The following GNB1L variants were observed in gnomAD, a reference collection of about 807,000 sequenced individuals.
GNB1L encodes guanine nucleotide-binding protein subunit beta-like protein 1.
GNB1L carries 20 observed loss-of-function variants against 29.1 expected under a neutral mutation model. The observed-to-expected ratio is 0.69, with a 90% CI of 0.48 to 1.00. The LOEUF (loss-of-function observed/expected upper bound fraction) is 1.00. Ranked by LOEUF, GNB1L falls within the 50% of genes least tolerant of loss-of-function variation. The pLI, the probability that GNB1L is intolerant of heterozygous loss-of-function variation, is 0.00. For synonymous variants in GNB1L, 193 were observed against 206.5 expected, an observed-to-expected ratio of 0.93 and a Z score of 0.56; for missense variants, 421 against 464.9, an observed-to-expected ratio of 0.91 and a Z score of 0.87.
intron 2 of GNB1L, among the ~76,000 whole-genome samples, chr22:19,828,744 TA>T (rs1235490098): frequency 6.6e-6 from 1 of 151,526 alleles, no homozygotes; most frequent in Non-Finnish European, 1.5e-5. Flanking sequence ...ATAACAGAGA[TA>T]CCACCTCTAT....
chr22:19,825,801 T>A (rs1467277021), intron 2 of GNB1L, among the ~76,000 whole-genome samples: 4 of 145,370 alleles, frequency 2.8e-5, no homozygotes, highest in African/African-American at 1.0e-4. Flanking sequence ...ACAAAAAAAA[T>A]AAATAAATTA....
At chr22:19,825,774 G>A (rs374623137) in intron 2 of GNB1L, among the ~76,000 whole-genome samples, 13 of 151,862 alleles carry the variant, frequency 8.6e-5, no homozygotes, top group African/African-American at 2.7e-4. Flanking sequence ...GGGCAACATA[G>A]TCAGACCCCC....
intron 2 of GNB1L, chr22:19,851,361 G>T: frequency 6.2e-7 from 1 of 1,614,168 alleles, no homozygotes; most frequent in South Asian, 1.1e-5. Context: ...GACAGTCTAG[G>T]GACAGGTGTG....
intron 7 of GNB1L, among the ~76,000 whole-genome samples, chr22:19,790,284 C>G (rs1937239126): frequency 6.6e-6 from 1 of 152,102 alleles, no homozygotes; most frequent in South Asian, 2.1e-4. Context: ...TTATAACTCA[C>G]AGAAATATGG....
intron 2 of GNB1L, among the ~76,000 whole-genome samples, chr22:19,834,134 A>G (rs1937725983): frequency 6.6e-6 from 1 of 152,104 alleles, no homozygotes; most frequent in Non-Finnish European, 1.5e-5. Context: ...AGACAAAAGC[A>G]CATATGTTTA....
chr22:19,820,836 A>G (rs1937572639), intron 3 of GNB1L, 113 bp from the exon 4 acceptor site: 2 of 1,244,956 alleles, frequency 1.6e-6, no homozygotes, highest in Non-Finnish European at 2.2e-6. Context: ...GGTTGAGCTG[A>G]AAAGCCAACA....
chr22:19,812,086 G>A (rs1336795430), intron 5 of GNB1L, among the ~76,000 whole-genome samples, 199 bp downstream of exon 5: 1 of 152,254 alleles, frequency 6.6e-6, no homozygotes, highest in Non-Finnish European at 1.5e-5. Context: ...TGCCCTGGGA[G>A]GATGGCTCAT....
chr22:19,848,376 A>G (rs1429358711), intron 2 of GNB1L: 6 of 985,244 alleles, frequency 6.1e-6, no homozygotes, highest in Non-Finnish European at 7.2e-6. Flanking sequence ...GCCAGAAGAG[A>G]AAAACAACCC....
intron 7 of GNB1L, among the ~76,000 whole-genome samples, chr22:19,799,673 C>T (rs532106907): frequency 6.6e-6 from 1 of 152,212 alleles, no homozygotes; most frequent in Non-Finnish European, 1.5e-5. Context: ...GAGGGGGACA[C>T]AGCCGTGCCC....
At chr22:19,827,073 G>A (rs1206161675) in intron 2 of GNB1L, among the ~76,000 whole-genome samples, 1 of 152,134 alleles carries the variant, frequency 6.6e-6, no homozygotes, top group Admixed American at 6.5e-5. Flanking sequence ...AAAAAAGGGG[G>A]CTATAAGGGA....
intron 4 of GNB1L, among the ~76,000 whole-genome samples, chr22:19,819,277 C>G (rs895610734): frequency 3.3e-5 from 5 of 152,250 alleles, no homozygotes; most frequent in African/African-American, 1.2e-4. Flanking sequence ...AAGCAGGGCC[C>G]TGTGAGCTGG....
intron 4 of GNB1L, among the ~76,000 whole-genome samples, 182 bp from the exon 5 acceptor site, chr22:19,812,629 C>T (rs1265683267): frequency 1.3e-5 from 2 of 152,230 alleles, no homozygotes; most frequent in Non-Finnish European, 2.9e-5. Context: ...GACACTTGAG[C>T]CAGCACCAAA....
In GNB1L at chr22:19,845,701, C is replaced by A. The variant is rs141950239; in HGVS notation, c.-21+8742G>T. On this transcript the variant is annotated intron_variant, in intron 2 of 7. Transcript: ENST00000329517. ...AGAGATGATGTAGCCCAAAGAAAAACTAAGGGAGCAACGGGCCCTGCTGTC... is the reference window on the plus strand; with the variant it reads ...AGAGATGATGTAGCCCAAAGAAAAAATAAGGGAGCAACGGGCCCTGCTGTC... 3.3e-3 allele frequency among the ~76,000 whole-genome samples: 499 copies of A among 152,310 alleles called. 2 individuals are homozygous for A. The highest frequency in any genetic ancestry group is 0.011 in the African/African-American group (466 of 41,562).
intron 2 of GNB1L, among the ~76,000 whole-genome samples, chr22:19,825,660 T>A (rs980844369): frequency 5.4e-5 from 8 of 149,118 alleles, no homozygotes; most frequent in Admixed American, 2.0e-4. Context: ...CTTTAAAAAA[T>A]TTTTTTAAAC....
At chr22:19,805,806 A>T (rs1423826630) in intron 6 of GNB1L, among the ~76,000 whole-genome samples, 1 of 152,146 alleles carries the variant, frequency 6.6e-6, no homozygotes, top group African/African-American at 2.4e-5. Context: ...TAAATAAAAT[A>T]GAAAAGGAGG....
chr22:19,853,743 C>T (rs1312426890), intron 2 of GNB1L, among the ~76,000 whole-genome samples: 2 of 152,080 alleles, frequency 1.3e-5, no homozygotes, highest in Non-Finnish European at 1.5e-5. Context: ...CACCTGAAAG[C>T]CCAGCCCATG....
chr22:19,830,192 C>T (rs1253503580), intron 2 of GNB1L, among the ~76,000 whole-genome samples: 1 of 151,854 alleles, frequency 6.6e-6, no homozygotes, highest in East Asian at 1.9e-4. Context: ...GCCTCGGCAA[C>T]ACAGCAAGAC....
chr22:19,798,715 A>C (rs1474077074), intron 7 of GNB1L, among the ~76,000 whole-genome samples: 1 of 152,164 alleles, frequency 6.6e-6, no homozygotes, highest in Non-Finnish European at 1.5e-5. Flanking sequence ...CCATTCTCAG[A>C]AAGCAGTGAC....
chr22:19,792,686 G>A (rs777538836), intron 7 of GNB1L: 4 of 1,456,932 alleles, frequency 2.7e-6, no homozygotes, highest in South Asian at 2.3e-5. Context: ...TCCCCACCAA[G>A]AGACCACCTG....
Sources: gnomAD v4.1 joint callset for allele counts (sites outside exome capture counted in the v4.1 genomes callset) on GRCh38, gnomAD v4.1.1 for gene constraint, MANE v1.5 for transcripts, NCBI Gene and HGNC (gene_info 2026-07-23, HGNC 2026-07-21) for gene names.